Variants in ZNF148 observed in about 807,000 individuals in gnomAD.
ZNF148 encodes Beta-Enolase Repressor Factor-1.
ZNF148 carries 7 observed loss-of-function variants against 67.7 expected under a neutral mutation model. The observed-to-expected ratio is 0.10, with a 90% CI of 0.06 to 0.19. The LOEUF is 0.19. ZNF148 is among the 10% of genes least tolerant of loss of function. ZNF148 has a pLI of 1.00. For synonymous variants in ZNF148, 333 were observed against 330.7 expected (o/e 1.01, Z -0.08); for missense variants, 583 against 947.1 (o/e 0.62, Z 5.05).
chr3:125,366,207 TATG>T (rs1335462436), intron 1 of ZNF148, among the ~76,000 whole-genome samples: 3 of 152,200 alleles, frequency 2.0e-5, no homozygotes, highest in Non-Finnish European at 4.4e-5. Flanking sequence ...GCCAGGAAAG[TATG>T]ATTATCAATT....
intron 4 of ZNF148, among the ~76,000 whole-genome samples, chr3:125,296,124 CTTT>C (rs777081088): frequency 7.1e-6 from 1 of 141,150 alleles, no homozygotes; most frequent in Non-Finnish European, 1.6e-5. Flanking sequence ...TCTAAAGATT[CTTT>C]TTTTTTTTTT....
chr3:125,260,546 T>A (rs1307572632), intron 7 of ZNF148, among the ~76,000 whole-genome samples: 3 of 152,302 alleles, frequency 2.0e-5, no homozygotes, highest in South Asian at 4.1e-4. Flanking sequence ...ATTTATATGA[T>A]GTTCTGGAAG....
At chr3:125,263,651 A>C (rs1282549612) in intron 7 of ZNF148, among the ~76,000 whole-genome samples, 1 of 152,024 alleles carries the variant, frequency 6.6e-6, no homozygotes, top group African/African-American at 2.4e-5. Context: ...TGATAAAAGC[A>C]TCTTTTGTTC....
intron 1 of ZNF148, among the ~76,000 whole-genome samples, chr3:125,340,491 G>A (rs992037330): frequency 1.3e-5 from 2 of 152,160 alleles, no homozygotes; most frequent in African/African-American, 2.4e-5. Flanking sequence ...AGACCAGTAG[G>A]TGGGTCCCAC....
At chr3:125,347,196 G>A (rs1941976072) in intron 1 of ZNF148, among the ~76,000 whole-genome samples, 1 of 152,046 alleles carries the variant, frequency 6.6e-6, no homozygotes, top group Non-Finnish European at 1.5e-5. Flanking sequence ...AATTAACAAA[G>A]ACCTAAACAA....
chr3:125,315,707 CAAAAA>C (rs35145293), intron 3 of ZNF148, among the ~76,000 whole-genome samples: 1 of 113,410 alleles, frequency 8.8e-6, no homozygotes. Context: ...GACTCCATCT[CAAAAA>C]AAAAAAAAAA....
At chr3:125,260,574 CA>C (rs1297680143) in intron 7 of ZNF148, among the ~76,000 whole-genome samples, 2 of 152,072 alleles carry the variant, frequency 1.3e-5, no homozygotes, top group African/African-American at 2.4e-5. Flanking sequence ...ACTACAGAGA[CA>C]AAAATCTTAT....
intron 7 of ZNF148, among the ~76,000 whole-genome samples, chr3:125,254,091 T>G (rs1343598944): frequency 6.6e-6 from 1 of 152,168 alleles, no homozygotes. Context: ...TATACAGAAT[T>G]AGTCACAGAA....
At chr3:125,275,658 T>C (rs562569575) in intron 7 of ZNF148, among the ~76,000 whole-genome samples, 1 of 152,356 alleles carries the variant, frequency 6.6e-6, no homozygotes, top group East Asian at 1.9e-4. Context: ...AGTTTTCTGG[T>C]ACTTAGTAAA....
chr3:125,242,752 C>T (rs964358033), intron 7 of ZNF148, among the ~76,000 whole-genome samples: 19 of 152,190 alleles, frequency 1.2e-4, no homozygotes, highest in African/African-American at 4.6e-4. Context: ...TCCAGTTTCC[C>T]CAACACCATT....
intron 7 of ZNF148, among the ~76,000 whole-genome samples, chr3:125,253,120 CATT>C (rs1936917545): frequency 6.6e-6 from 1 of 152,140 alleles, no homozygotes; most frequent in South Asian, 2.1e-4. Flanking sequence ...GATAGACTAA[CATT>C]AGTCTCATAA....
chr3:125,311,951 A>G (rs377700022), intron 4 of ZNF148, among the ~76,000 whole-genome samples: 10 of 152,300 alleles, frequency 6.6e-5, no homozygotes, highest in African/African-American at 2.4e-4. Flanking sequence ...AATCAACAAT[A>G]ACTTTCCAAA....
Position 125,230,330 on chromosome 3 carries a change from T to A in ZNF148, c.*2011A>T, listed in dbSNP as rs768732234. 3 of 152,588 alleles carry A rather than the reference T, an allele frequency of 2.0e-5. No individual in the cohort carries two copies. The highest frequency in any genetic ancestry group is 4.4e-5 in the Non-Finnish European group (3 of 68,016). 9.5% of individuals were successfully genotyped at this position (152,588 alleles called of 1,614,324 possible). A position where few individuals can be genotyped will look rare whatever the true frequency, so the allele number is the denominator to read the frequency against. The stretch of plus-strand genomic sequence containing the variant: ...TAACGTATCACCTGAATGAAGCCTT[T>A]TTGTAATTATGTAATGCACAACACA... On this transcript the variant is annotated 3_prime_UTR_variant, in exon 9 of 9. Coordinates refer to ENST00000360647, the MANE Select transcript of ZNF148 (RefSeq NM_021964.3).
chr3:125,252,661 A>G (rs1269748709), intron 7 of ZNF148, among the ~76,000 whole-genome samples: 1 of 151,760 alleles, frequency 6.6e-6, no homozygotes, highest in Non-Finnish European at 1.5e-5. Context: ...CCAGCTAATC[A>G]GGAGGCTGAG....
At chr3:125,315,466 T>C (rs1940441414) in intron 3 of ZNF148, among the ~76,000 whole-genome samples, 1 of 152,058 alleles carries the variant, frequency 6.6e-6, no homozygotes, top group South Asian at 2.1e-4. Context: ...CCCAACACTT[T>C]GGGAGGCCGA....
chr3:125,256,650 T>A (rs1937091527), intron 7 of ZNF148, among the ~76,000 whole-genome samples: 1 of 152,192 alleles, frequency 6.6e-6, no homozygotes. Context: ...CACTCCAGCC[T>A]GGGCAACAGA....
chr3:125,283,495 T>G (rs1938497891), intron 5 of ZNF148, among the ~76,000 whole-genome samples: 1 of 152,138 alleles, frequency 6.6e-6, no homozygotes, highest in Admixed American at 6.5e-5. Context: ...AAGATTTACA[T>G]CAGATTTTTT....
Position 125,251,679 on chromosome 3 carries a change from A to G in ZNF148, c.668-17350T>C, listed in dbSNP as rs551318441. Among the ~76,000 whole-genome samples, 35 of 152,372 alleles carry G rather than the reference A, an allele frequency of 2.3e-4. No homozygotes were observed. The South Asian group carries it at 2.7e-3, about 12-fold the overall frequency. Reference sequence around the variant, plus strand: ...GGTCCAATATTCATTCCATTCATATACCACAATTGATTCATTGTGGTAGAT... The same window carrying G: ...GGTCCAATATTCATTCCATTCATATGCCACAATTGATTCATTGTGGTAGAT... On this transcript the variant is annotated intron_variant, in intron 7 of 8. Transcript: ENST00000360647.
At chr3:125,324,539 C>G (rs1474930538) in intron 2 of ZNF148, among the ~76,000 whole-genome samples, 1 of 152,138 alleles carries the variant, frequency 6.6e-6, no homozygotes, top group African/African-American at 2.4e-5. Context: ...GTATTCTGAG[C>G]ATAGTTAACA....
Sources: gnomAD v4.1 joint callset for allele counts (sites outside exome capture counted in the v4.1 genomes callset) on GRCh38, gnomAD v4.1.1 for gene constraint, MANE v1.5 for transcripts, NCBI Gene and HGNC (gene_info 2026-07-23, HGNC 2026-07-21) for gene names.